The following EYS variants were observed in gnomAD, a reference collection of about 807,000 sequenced individuals.
EYS encodes the protein protein eyes shut homolog.
EYS carries 250 observed loss-of-function variants against 282.1 expected under a neutral mutation model. The observed-to-expected ratio is 0.89, with a 90% confidence interval of 0.80 to 0.98. The LOEUF is 0.98. Among genes scored for constraint, EYS ranks in the 50% least tolerant of loss-of-function variants. EYS has a pLI of 0.00. For missense variants in EYS, 4,016 were observed against 3,709.0 expected (o/e 1.08, Z -2.15); for synonymous variants, 1,355 against 1,282.9 (o/e 1.06, Z -1.20).
At chr6:64,242,594 A>AT (rs1229740289) in intron 30 of EYS, among the ~76,000 whole-genome samples, 1 of 151,484 alleles carries the variant, frequency 6.6e-6, no homozygotes. Context: ...CTCAGCCCCA[A>AT]TTTTTTCCAA....
chr6:64,285,013 A>G (rs576651846), intron 30 of EYS, among the ~76,000 whole-genome samples: 2 of 152,168 alleles, frequency 1.3e-5, no homozygotes, highest in African/African-American at 2.4e-5. Flanking sequence ...TGTCTTGGAG[A>G]TTAACATTCA....
chr6:64,154,338 G>T (rs983578041), intron 31 of EYS, among the ~76,000 whole-genome samples: 3 of 151,398 alleles, frequency 2.0e-5, no homozygotes, highest in Admixed American at 1.3e-4. Context: ...TACTTGGGAG[G>T]CTGAGCCAGG....
At chr6:65,674,987 G>C (rs1032379762) in intron 1 of EYS, among the ~76,000 whole-genome samples, 1 of 151,872 alleles carries the variant, frequency 6.6e-6, no homozygotes, top group Non-Finnish European at 1.5e-5. Context: ...GGAGGAGGAA[G>C]TAAATATGTA....
In EYS at chr6:64,642,047, T is replaced by C. The variant is rs543913436; in HGVS notation, c.3444-15802A>G. On this transcript the variant is annotated intron_variant, in intron 22 of 42. Coordinates refer to ENST00000503581, the MANE Select transcript of EYS (RefSeq NM_001142800.2). ...ACCACTGTGTCCACAAAAAGAACAA[T>C]GTAGTTAGACTGGAAATAACATGAA... is the stretch of plus-strand genomic sequence containing the variant. Among the ~76,000 whole-genome samples the C allele has an allele frequency of 2.6e-5, 4 of 152,224 alleles. No individual in the cohort carries two copies. In the South Asian group the frequency reaches 8.3e-4, roughly 32 times the overall value.
intron 12 of EYS, among the ~76,000 whole-genome samples, chr6:65,217,140 T>A (rs967403244): frequency 6.6e-6 from 1 of 152,030 alleles, no homozygotes; most frequent in African/African-American, 2.4e-5. Flanking sequence ...TACTAAATGA[T>A]CTGGTGGTTA....
chr6:65,026,514 G>A (rs915744390), intron 13 of EYS, among the ~76,000 whole-genome samples: 23 of 152,190 alleles, frequency 1.5e-4, no homozygotes, highest in African/African-American at 4.8e-4. Context: ...AAATAAGGGA[G>A]GGGATGTTAT....
intron 14 of EYS, among the ~76,000 whole-genome samples, chr6:64,949,319 G>A (rs1009443936): frequency 6.6e-6 from 1 of 151,810 alleles, no homozygotes; most frequent in African/African-American, 2.4e-5. Context: ...CCTAGGAAAT[G>A]GAGTTCTCTT....
At chr6:64,315,833 A>G (rs1769935617) in intron 29 of EYS, among the ~76,000 whole-genome samples, 1 of 151,642 alleles carries the variant, frequency 6.6e-6, no homozygotes, top group South Asian at 2.1e-4. Flanking sequence ...ATGCTGGCAA[A>G]CTGAATCCAG....
intron 31 of EYS, among the ~76,000 whole-genome samples, chr6:64,111,401 C>T (rs1290488983): frequency 5.3e-5 from 8 of 151,868 alleles, no homozygotes; most frequent in African/African-American, 1.9e-4. Flanking sequence ...GAAGAATTGG[C>T]CTTAATTAGT....
chr6:64,187,157 A>AT (rs1764970032), intron 31 of EYS, among the ~76,000 whole-genome samples: 2 of 152,046 alleles, frequency 1.3e-5, no homozygotes, highest in South Asian at 4.1e-4. Flanking sequence ...CAAGTTTTAC[A>AT]TTTTTGGATC....
At chr6:64,455,168 T>C (rs1387270215) in intron 26 of EYS, among the ~76,000 whole-genome samples, 2 of 152,016 alleles carry the variant, frequency 1.3e-5, no homozygotes, top group African/African-American at 2.4e-5. Context: ...CTCCTCTGCC[T>C]CACAAAGTGT....
At position 64,274,485 on chromosome 6, in the gene EYS, T is replaced by TTTTTTTTTTTTG. The variant is rs1554224743; in HGVS notation, c.6191+32484_6191+32485insCAAAAAAAAAAA. ...CGCGAGCCACCACGCCTGGCCGTTTTTTTTTTTTTTTTTTTTTTACAAATC... is the reference window on the plus strand; with the variant it reads ...CGCGAGCCACCACGCCTGGCCGTTTTTTTTTTTTTTTGTTTTTTTTTTTTTTTTTTACAAATC... On this transcript the variant is annotated intron_variant, in intron 30 of 42. Transcript: ENST00000503581. Among the ~76,000 whole-genome samples, 181 of 147,540 alleles carry TTTTTTTTTTTTG rather than the reference T, an allele frequency of 1.2e-3. 6 individuals are homozygous for TTTTTTTTTTTTG. The highest frequency in any genetic ancestry group is 4.4e-3 in the African/African-American group (173 of 38,992).
chr6:64,556,982 CTAAGT>C (rs1372543428), intron 26 of EYS, among the ~76,000 whole-genome samples: 3 of 151,790 alleles, frequency 2.0e-5, no homozygotes, highest in Non-Finnish European at 4.4e-5. Context: ...GGAATATTTT[CTAAGT>C]TAAGAGAAAA....
intron 19 of EYS, among the ~76,000 whole-genome samples, chr6:64,838,373 A>G (rs1420977896): frequency 6.6e-6 from 1 of 151,892 alleles, no homozygotes; most frequent in Non-Finnish European, 1.5e-5. Flanking sequence ...GTGTCTGAAG[A>G]TCCAGGACCA....
At chr6:64,658,914 C>A (rs537368865) in intron 22 of EYS, among the ~76,000 whole-genome samples, 39 of 152,328 alleles carry the variant, frequency 2.6e-4, no homozygotes, top group South Asian at 1.2e-3. Flanking sequence ...GAACTCTCCA[C>A]CCCAAATCAA....
chr6:64,656,980 T>C (rs1198862516), intron 22 of EYS, among the ~76,000 whole-genome samples: 1 of 152,178 alleles, frequency 6.6e-6, no homozygotes, highest in Non-Finnish European at 1.5e-5. Flanking sequence ...TATTATTGTG[T>C]GGGAGTCTAA....
At chr6:64,006,640 T>G (rs890611798) in intron 33 of EYS, among the ~76,000 whole-genome samples, 4 of 152,206 alleles carry the variant, frequency 2.6e-5, no homozygotes, top group African/African-American at 9.6e-5. Context: ...TCAATGGCTC[T>G]TATTATTTTG....
At chr6:64,921,081 G>T (rs1398376394) in intron 15 of EYS, among the ~76,000 whole-genome samples, 4 of 151,978 alleles carry the variant, frequency 2.6e-5, no homozygotes, top group African/African-American at 4.8e-5. Flanking sequence ...GTTAGGACTG[G>T]CATTATAATA....
intron 22 of EYS, among the ~76,000 whole-genome samples, chr6:64,789,725 T>C (rs1043308267): frequency 2.0e-5 from 3 of 152,106 alleles, no homozygotes; most frequent in Non-Finnish European, 4.4e-5. Context: ...CCTTTCTTTT[T>C]TTTAAAACTG....
Sources: gnomAD v4.1 joint callset for allele counts (sites outside exome capture counted in the v4.1 genomes callset) on GRCh38, gnomAD v4.1.1 for gene constraint, MANE v1.5 for transcripts, NCBI Gene and HGNC (gene_info 2026-07-23, HGNC 2026-07-21) for gene names.